IQCM: variants seen among roughly 807,000 people sequenced by gnomAD.
The protein encoded by IQCM is IQ motif containing M.
IQCM carries 45 observed loss-of-function variants against 57.6 expected under a neutral mutation model. The observed-to-expected ratio is 0.78, with a 90% CI of 0.62 to 1.00. The LOEUF is 1.00. Among genes scored for constraint, IQCM ranks in the 50% least tolerant of loss-of-function variants. The pLI is 0.00. For missense variants in IQCM, 468 were observed against 511.6 expected (o/e 0.91, Z 0.82); for synonymous variants, 148 against 158.9 (o/e 0.93, Z 0.51).
At chr4:149,750,151 T>A (rs945684667) in intron 2 of IQCM, among the ~76,000 whole-genome samples, 1 of 152,210 alleles carries the variant, frequency 6.6e-6, no homozygotes, top group Non-Finnish European at 1.5e-5. Context: ...TCCCTCTTGT[T>A]ATCTTGATAA....
chr4:149,455,324 AGAAT>A lies in IQCM; in HGVS notation c.1229-21771_1229-21768del, dbSNP rs1236873642. On this transcript the variant is annotated intron_variant, in intron 12 of 13. Transcript: ENST00000636793. Reference sequence around the variant, plus strand: ...CCCCAAACTACCTGATCCCAAAGGCAGAATGTTGTGGGGGAAGCCCAACTCCTAC... The same window carrying A: ...CCCCAAACTACCTGATCCCAAAGGCAGTTGTGGGGGAAGCCCAACTCCTAC... 3.3e-5 allele frequency among the ~76,000 whole-genome samples: 5 copies of A among 152,058 alleles called. No individual in the cohort carries two copies. The East Asian group carries it at 9.7e-4, about 29-fold the overall frequency.
intron 2 of IQCM, among the ~76,000 whole-genome samples, chr4:149,814,658 T>G (rs1224269558): frequency 6.6e-6 from 1 of 152,006 alleles, no homozygotes; most frequent in African/African-American, 2.4e-5. Flanking sequence ...TTCACCTCTG[T>G]TCCATCCCAC....
intron 12 of IQCM, 38 bp from the exon 13 acceptor site, chr4:149,433,595 T>C (rs1465301570): frequency 2.4e-6 from 2 of 824,438 alleles, no homozygotes; most frequent in Admixed American, 4.3e-5. Flanking sequence ...ATTTTAGACA[T>C]TTTACAGACT....
At chr4:149,685,930 T>C (rs1285831207) in intron 6 of IQCM, among the ~76,000 whole-genome samples, 2 of 151,516 alleles carry the variant, frequency 1.3e-5, no homozygotes, top group Non-Finnish European at 3.0e-5. Context: ...TCAGAATTCC[T>C]GTGTTCAAAC....
At chr4:149,792,963 G>A (rs757535326) in intron 2 of IQCM, among the ~76,000 whole-genome samples, 1 of 152,190 alleles carries the variant, frequency 6.6e-6, no homozygotes, top group Non-Finnish European at 1.5e-5. Flanking sequence ...TTCACATGCA[G>A]TAGCCTATCC....
rs142606584 is a variant in IQCM, at chr4:149,717,257, A to G, written c.385+15987T>C. ...GAAGTGACGGGCAGTTTGAGGACTA[A>G]GCCCTCAACCTATGGGATCTGATGC... On this transcript the variant is annotated intron_variant, in intron 5 of 13. Coordinates refer to ENST00000636793, the MANE Select transcript of IQCM (RefSeq NM_001363507.2). 1.5e-3 allele frequency among the ~76,000 whole-genome samples: 232 copies of G among 152,260 alleles called. 3 individuals are homozygous for G. Among genetic ancestry groups the G allele is most frequent in the Admixed American group, 0.014 (219 of 15,290 alleles).
rs956490649 is a variant in IQCM, at chr4:149,799,423, A to G, written c.-49+15888T>C. 9.9e-5 allele frequency among the ~76,000 whole-genome samples: 15 copies of G among 151,788 alleles called. No individual in the cohort carries two copies. The East Asian group carries it at 2.9e-3, about 29-fold the overall frequency. ...CTTCAGATAATCTAATGATGCATCT[A>G]AAAGAACTAGAAAAGCTACAGCAAA... is the stretch of plus-strand genomic sequence containing the variant. On this transcript the variant is annotated intron_variant, in intron 2 of 13. Coordinates refer to ENST00000636793, the MANE Select transcript of IQCM (RefSeq NM_001363507.2).
At chr4:149,430,034 A>G in intron 13 of IQCM, 1 of 1,227,662 alleles carries the variant, frequency 8.1e-7, no homozygotes, top group Non-Finnish European at 1.0e-6. Flanking sequence ...GGAAAACTGC[A>G]GAGAAAATAA....
chr4:149,487,638 G>A (rs989820379), intron 12 of IQCM, among the ~76,000 whole-genome samples: 4 of 152,180 alleles, frequency 2.6e-5, no homozygotes, highest in Non-Finnish European at 5.9e-5. Context: ...CCTCTGGCTA[G>A]GTAAGCTCCA....
chr4:149,762,558 G>A (rs1291128646), intron 2 of IQCM, among the ~76,000 whole-genome samples: 2 of 152,010 alleles, frequency 1.3e-5, no homozygotes, highest in African/African-American at 4.8e-5. Context: ...AAAGGTTGCA[G>A]TATTTCTATA....
At chr4:149,456,068 T>C (rs1038701723) in intron 12 of IQCM, among the ~76,000 whole-genome samples, 2 of 151,788 alleles carry the variant, frequency 1.3e-5, no homozygotes, top group Admixed American at 1.3e-4. Flanking sequence ...AAAAAAGAGA[T>C]TAAAAAGAGA....
At chr4:149,800,108 G>A (rs1204517897) in intron 2 of IQCM, among the ~76,000 whole-genome samples, 1 of 151,664 alleles carries the variant, frequency 6.6e-6, no homozygotes, top group East Asian at 1.9e-4. Context: ...CAAAATACTA[G>A]CAAACCAAAT....
chr4:149,522,303 A>C (rs1419512945), intron 12 of IQCM, among the ~76,000 whole-genome samples: 2 of 152,128 alleles, frequency 1.3e-5, no homozygotes, highest in African/African-American at 4.8e-5. Flanking sequence ...GTCTGCCAAG[A>C]TATAAAGGAC....
intron 5 of IQCM, among the ~76,000 whole-genome samples, chr4:149,717,077 T>C (rs1264007562): frequency 6.6e-6 from 1 of 152,192 alleles, no homozygotes; most frequent in African/African-American, 2.4e-5. Context: ...TCTTTTATTA[T>C]ATCCTTTATC....
chr4:149,745,926 C>T (rs1016729766), intron 2 of IQCM, among the ~76,000 whole-genome samples: 1 of 151,808 alleles, frequency 6.6e-6, no homozygotes, highest in Non-Finnish European at 1.5e-5. Flanking sequence ...GAGCCGTGAT[C>T]GTGCCACTGC....
chr4:149,814,858 A>G (rs898810713), intron 2 of IQCM, among the ~76,000 whole-genome samples: 14 of 152,056 alleles, frequency 9.2e-5, no homozygotes, highest in Admixed American at 9.2e-4. Flanking sequence ...AAAAGCTAGG[A>G]TTTTTCTCAT....
At chr4:149,698,786 G>A (rs973562417) in intron 5 of IQCM, among the ~76,000 whole-genome samples, 1 of 152,068 alleles carries the variant, frequency 6.6e-6, no homozygotes, top group Non-Finnish European at 1.5e-5. Flanking sequence ...AAGTGGTTAA[G>A]AGAGCAGACA....
intron 13 of IQCM, among the ~76,000 whole-genome samples, chr4:149,388,713 T>C (rs1731624389): frequency 6.9e-6 from 1 of 145,274 alleles, no homozygotes; most frequent in South Asian, 2.1e-4. Flanking sequence ...TCTGATTATA[T>C]ATGTCCTTTC....
chr4:149,736,283 T>C (rs890032078), intron 3 of IQCM, among the ~76,000 whole-genome samples: 2 of 152,198 alleles, frequency 1.3e-5, no homozygotes, highest in African/African-American at 4.8e-5. Flanking sequence ...GGGTTATGTA[T>C]ACAATTCTAC....
Sources: allele counts gnomAD v4.1 joint callset (sites outside exome capture counted in the v4.1 genomes callset), GRCh38; gene constraint gnomAD v4.1.1; transcripts MANE v1.5; gene names NCBI Gene and HGNC (gene_info 2026-07-23, HGNC 2026-07-21).